The following UBA6 variants were observed in gnomAD, a reference collection of about 807,000 sequenced individuals.
The protein encoded by UBA6 is ubiquitin-like modifier-activating enzyme 6.
UBA6 carries 87 observed loss-of-function variants against 148.3 expected under a neutral mutation model. The ratio of observed to expected loss-of-function variants is 0.59; its 90% confidence interval spans 0.49 to 0.70. The LOEUF (loss-of-function observed/expected upper bound fraction) is 0.70. UBA6 is among the 30% of genes least tolerant of loss of function. The probability of loss-of-function intolerance (pLI) is 0.00; values close to 1 mark genes in which losing one functional copy is unlikely to be tolerated. For synonymous variants in UBA6, 376 were observed against 401.0 expected (o/e 0.94, Z 0.75); for missense variants, 1,186 against 1,241.2 (o/e 0.96, Z 0.67).
At chr4:67,637,800 G>A (rs542298235) in intron 19 of UBA6, among the ~76,000 whole-genome samples, 1 of 152,184 alleles carries the variant, frequency 6.6e-6, no homozygotes, top group African/African-American at 2.4e-5. Context: ...CACAAACACT[G>A]CGGTAGGCCA....
chr4:67,667,863 C>A (rs1410386694), intron 9 of UBA6, among the ~76,000 whole-genome samples: 5 of 152,276 alleles, frequency 3.3e-5, no homozygotes, highest in Admixed American at 2.0e-4. Flanking sequence ...AAAACAGACC[C>A]CTTCAACTTC....
chr4:67,639,149 G>C (rs746026375), intron 18 of UBA6, 25 bp from the exon 19 acceptor site: 4 of 1,571,198 alleles, frequency 2.5e-6, no homozygotes, highest in Non-Finnish European at 3.5e-6. Flanking sequence ...TAAGCAGAAG[G>C]AATATGTTAA....
intron 22 of UBA6, 128 bp downstream of exon 22, chr4:67,634,114 T>A (rs1041174349): frequency 5.1e-6 from 3 of 593,546 alleles, no homozygotes; most frequent in Non-Finnish European, 5.6e-6. Context: ...AGATTCCTTA[T>A]GTATCATTTC....
At chr4:67,638,722 C>A (rs6825921) in intron 19 of UBA6, among the ~76,000 whole-genome samples, 30,888 of 152,082 alleles carry the variant, frequency 0.2, 3,390 homozygotes, top group Middle Eastern at 0.3. Context: ...GCATGGTGAA[C>A]AGGTGAAAAG....
At chr4:67,677,537 G>C in intron 6 of UBA6, 74 bp downstream of exon 6, 1 of 702,568 alleles carries the variant, frequency 1.4e-6, no homozygotes, top group Non-Finnish European at 2.3e-6. Flanking sequence ...GGTTAAATTA[G>C]TTAAACATAT....
chr4:67,678,429 A>G lies in UBA6; in HGVS notation c.353+10T>C, dbSNP rs200806328. 1 of 1,531,758 alleles carries G rather than the reference A, an allele frequency of 6.5e-7. No individual in the cohort carries two copies. The allele number at this position is 1,531,758 out of a possible 1,614,324, so 94.9% of individuals were successfully genotyped here. On this transcript the variant is annotated intron_variant, in intron 5 of 32. Coordinates refer to ENST00000322244, the MANE Select transcript of UBA6 (RefSeq NM_018227.6). ...AAAAAACTCATGATAATACATCAAAATATCTTTACCTGTTTCTCTTATTAA... is the reference window on the plus strand; with the variant it reads ...AAAAAACTCATGATAATACATCAAAGTATCTTTACCTGTTTCTCTTATTAA...
In UBA6 at chr4:67,682,134, G is replaced by A. The variant is rs2109951038; in HGVS notation, c.214C>T (p.Leu72Phe). ...SHVFLSGMGGLGLEIAKNLVL... is the reference protein window; with the variant it reads ...SHVFLSGMGGFGLEIAKNLVL... ...TATTGCTTACCAATTTCCAAACCAA[G>A]ACCACCCATCCCACTTAAGAAAACA... Residue 72 changes from leucine to phenylalanine, a missense_variant, in exon 3 of 33, where the codon CTT (leucine) becomes TTT (phenylalanine). Transcript: ENST00000322244. The A allele has an allele frequency of 6.2e-7, 1 of 1,613,432 alleles. No homozygotes were observed. Among genetic ancestry groups the A allele is most frequent in the East Asian group, 2.2e-5 (1 of 44,848 alleles).
At chr4:67,694,737 G>C (rs896916140) in intron 2 of UBA6, among the ~76,000 whole-genome samples, 7 of 152,182 alleles carry the variant, frequency 4.6e-5, no homozygotes, top group African/African-American at 1.7e-4. Flanking sequence ...TATGTAGTCA[G>C]TAACTCTTTT....
chr4:67,634,360 A>C, intron 21 of UBA6, 38 bp from the exon 22 acceptor site: 1 of 1,560,546 alleles, frequency 6.4e-7, no homozygotes, highest in Non-Finnish European at 8.6e-7. Flanking sequence ...TACAAATAGA[A>C]GTCTGTTTAA....
chr4:67,675,889 G>A (rs1200121025), intron 6 of UBA6, among the ~76,000 whole-genome samples: 1 of 152,114 alleles, frequency 6.6e-6, no homozygotes, highest in Non-Finnish European at 1.5e-5. Flanking sequence ...ATTTTGTACT[G>A]TGAACTCAAA....
intron 6 of UBA6, 80 bp downstream of exon 6, chr4:67,677,531 A>T: frequency 1.5e-6 from 1 of 660,864 alleles, no homozygotes; most frequent in Non-Finnish European, 2.5e-6. Flanking sequence ...ACACTAGGTT[A>T]AATTAGTTAA....
chr4:67,663,149 G>A lies in UBA6; in HGVS notation c.1027C>T (p.Pro343Ser). The change falls in exon 12 of 33, where the codon CCA (proline) becomes TCA (serine). Residue 343 changes from proline (P) to serine (S), a missense_variant. Pro to Ser is a moderately conservative substitution (Grantham distance 74). Coordinates refer to ENST00000322244, the MANE Select transcript of UBA6 (RefSeq NM_018227.6). ...DQFQEKYSRK[P>S]NVGCQQDSEE... ...AACTTAAAACATTACCCAACATTTG[G>A]CTTGCGACTGTATTTCTCCTGAAAC... The A allele has an allele frequency of 6.2e-7, 1 of 1,609,288 alleles. No homozygotes were observed. Among genetic ancestry groups the A allele is most frequent in the Non-Finnish European group, 8.5e-7 (1 of 1,178,018 alleles).
At chr4:67,689,643 TA>T (rs565538051) in intron 2 of UBA6, among the ~76,000 whole-genome samples, 149 of 152,266 alleles carry the variant, frequency 9.8e-4, no homozygotes, top group African/African-American at 3.5e-3. Flanking sequence ...ACCTGGCCAG[TA>T]ATACTGGTTT....
chr4:67,648,960 C>T, intron 14 of UBA6, 108 bp downstream of exon 14: 1 of 1,199,412 alleles, frequency 8.3e-7, no homozygotes, highest in Non-Finnish European at 1.1e-6. Context: ...TTTCATGCAT[C>T]AAAAAGTATT....
Position 67,635,461 on chromosome 4 carries a change from T to A in UBA6, c.1834A>T (p.Asn612Tyr). Reference sequence around the variant, plus strand: ...AATATTGATTCACTTACATGACTATTGTAAGACTCAGTCAAATGCGGTACA... The same window carrying A: ...AATATTGATTCACTTACATGACTATAGTAAGACTCAGTCAAATGCGGTACA... ...VIVPHLTESY[N>Y]SHRDPPEEEI... The change falls in exon 20 of 33, where the codon AAT (asparagine) becomes TAT (tyrosine). Residue 612 changes from asparagine (N) to tyrosine (Y), a missense_variant. Physicochemically the swap from Asn to Tyr is moderately radical, Grantham distance 143. Coordinates refer to ENST00000322244, the MANE Select transcript of UBA6 (RefSeq NM_018227.6). 1 of 1,582,148 alleles carries A rather than the reference T, an allele frequency of 6.3e-7. No homozygotes were observed. The highest frequency in any genetic ancestry group is 8.7e-7 in the Non-Finnish European group (1 of 1,151,518).
At chr4:67,657,462 G>C (rs887814527) in intron 13 of UBA6, among the ~76,000 whole-genome samples, 1 of 150,702 alleles carries the variant, frequency 6.6e-6, no homozygotes, top group East Asian at 1.9e-4. Context: ...AATGGTGCTG[G>C]GATTAGCCAT....
At chr4:67,699,601 TTTC>T (rs1730923206) in intron 1 of UBA6, among the ~76,000 whole-genome samples, 1 of 152,082 alleles carries the variant, frequency 6.6e-6, no homozygotes, top group Non-Finnish European at 1.5e-5. Context: ...ACAAAATTTG[TTTC>T]TTTTCTTTTT....
intron 28 of UBA6, 61 bp from the exon 29 acceptor site, chr4:67,625,248 A>G: frequency 1.6e-6 from 2 of 1,259,998 alleles, no homozygotes; most frequent in South Asian, 3.4e-5. Flanking sequence ...TTACTAGGTA[A>G]AAAGCAATGT....
intron 27 of UBA6, among the ~76,000 whole-genome samples, chr4:67,627,340 G>A (rs1275630948): frequency 1.3e-5 from 2 of 152,040 alleles, no homozygotes; most frequent in East Asian, 3.9e-4. Context: ...GTAACCAGCA[G>A]TACCATACCT....
Sources: allele counts gnomAD v4.1 joint callset (sites outside exome capture counted in the v4.1 genomes callset), GRCh38; gene constraint gnomAD v4.1.1; transcripts MANE v1.5; gene names NCBI Gene and HGNC (gene_info 2026-07-23, HGNC 2026-07-21).